The following EYA3 variants were observed in gnomAD, a reference collection of about 807,000 sequenced individuals.
EYA3 encodes protein phosphatase EYA3.
In EYA3, 39 loss-of-function variants were observed where a neutral mutation model predicts 80.0. That is an observed-to-expected ratio of 0.49 (90% CI 0.38 to 0.64). EYA3 has a LOEUF of 0.64. Ranked by LOEUF, EYA3 falls within the 30% of genes least tolerant of loss-of-function variation. EYA3 has a pLI of 0.00. For synonymous variants in EYA3, 206 were observed against 232.8 expected, an observed-to-expected ratio of 0.88 and a Z score of 1.05; for missense variants, 523 against 676.1, an observed-to-expected ratio of 0.77 and a Z score of 2.51.
intron 14 of EYA3, 84 bp downstream of exon 14, chr1:27,993,316 A>G: frequency 1.5e-6 from 2 of 1,370,366 alleles, no homozygotes; most frequent in Non-Finnish European, 2.0e-6. Context: ...AGCAGTTGTC[A>G]TGGGGAATCT....
At chr1:28,077,408 C>G (rs1645261276) in intron 1 of EYA3, among the ~76,000 whole-genome samples, 1 of 152,124 alleles carries the variant, frequency 6.6e-6, no homozygotes, top group Admixed American at 6.5e-5. Context: ...GCTTCCCCAA[C>G]AAGTTCCTAA....
intron 16 of EYA3, among the ~76,000 whole-genome samples, chr1:27,985,233 A>G (rs1406990118): frequency 6.8e-6 from 1 of 146,556 alleles, no homozygotes; most frequent in Admixed American, 7.1e-5. Context: ...ATGCACCACC[A>G]CTCCCAGCTA....
intron 13 of EYA3, among the ~76,000 whole-genome samples, chr1:27,995,874 T>C (rs1640416664): frequency 6.6e-6 from 1 of 152,110 alleles, no homozygotes; most frequent in East Asian, 1.9e-4. Flanking sequence ...AAATGTTTCA[T>C]TATTTGTTTG....
At chr1:28,024,019 A>T (rs1481515429) in intron 7 of EYA3, among the ~76,000 whole-genome samples, 1 of 152,196 alleles carries the variant, frequency 6.6e-6, no homozygotes, top group East Asian at 1.9e-4. Flanking sequence ...CAGGCGGATC[A>T]CTTGAGGTGA....
chr1:28,021,714 G>A (rs948408904), intron 7 of EYA3, among the ~76,000 whole-genome samples: 4 of 151,218 alleles, frequency 2.6e-5, no homozygotes, highest in East Asian at 3.9e-4. Context: ...GGCGATTCTC[G>A]TGCCTCAGCC....
chr1:28,034,958 T>C (rs1643363359), intron 6 of EYA3, among the ~76,000 whole-genome samples: 2 of 152,178 alleles, frequency 1.3e-5, no homozygotes, highest in South Asian at 2.1e-4. Flanking sequence ...AAGTGACTTC[T>C]GATAAATCAT....
chr1:28,036,483 A>G (rs1446874215), intron 5 of EYA3, among the ~76,000 whole-genome samples: 1 of 152,220 alleles, frequency 6.6e-6, no homozygotes, highest in Non-Finnish European at 1.5e-5. Context: ...AAGCAAACAC[A>G]TCAAAAAACG....
At chr1:28,043,456 A>G (rs558062822) in intron 3 of EYA3, among the ~76,000 whole-genome samples, 1 of 152,270 alleles carries the variant, frequency 6.6e-6, no homozygotes, top group South Asian at 2.1e-4. Flanking sequence ...TTGCTCCCAA[A>G]GTACCACAGG....
intron 1 of EYA3, among the ~76,000 whole-genome samples, chr1:28,076,912 G>A (rs2148944857): frequency 6.8e-6 from 1 of 146,316 alleles, no homozygotes; most frequent in African/African-American, 2.5e-5. Flanking sequence ...GGCTAATTTT[G>A]TATATTTTTA....
rs1639816824 is a variant in EYA3, at chr1:27,988,510, ACAAGAAACAG to A, written c.1540+15_1540+24del. 1 of 1,607,394 alleles carries A rather than the reference ACAAGAAACAG, an allele frequency of 6.2e-7. No individual in the cohort carries two copies. Among genetic ancestry groups the A allele is most frequent in the African/African-American group, 1.3e-5 (1 of 74,666 alleles). On this transcript the variant is annotated intron_variant, in intron 16 of 17. Coordinates refer to ENST00000373871, the MANE Select transcript of EYA3 (RefSeq NM_001990.4). ...AGAAAGTTTTATTGCAAGGCCAGTG[ACAAGAAACAG>A]CATAGAAACCATACCAATTTTGGTA...
At chr1:28,044,588 T>C (rs1336682470) in intron 3 of EYA3, among the ~76,000 whole-genome samples, 1 of 152,190 alleles carries the variant, frequency 6.6e-6, no homozygotes, top group Non-Finnish European at 1.5e-5. Flanking sequence ...TCTGGAAAGA[T>C]AATGCTGACT....
intron 1 of EYA3, among the ~76,000 whole-genome samples, chr1:28,061,503 T>C (rs895422850): frequency 6.6e-6 from 1 of 151,788 alleles, no homozygotes; most frequent in Non-Finnish European, 1.5e-5. Context: ...TAAGACACAA[T>C]ATTGCAAAAC....
chr1:27,975,845 T>C (rs1419492403), intron 17 of EYA3, among the ~76,000 whole-genome samples: 1 of 150,022 alleles, frequency 6.7e-6, no homozygotes, highest in African/African-American at 2.5e-5. Flanking sequence ...CTCACTCTTT[T>C]GCCCAGGCTG....
chr1:28,051,872 C>A (rs879812421), intron 2 of EYA3, among the ~76,000 whole-genome samples: 1 of 151,718 alleles, frequency 6.6e-6, no homozygotes, highest in Admixed American at 6.6e-5. Flanking sequence ...CAATCAAAAT[C>A]CCAGCTGGCT....
At chr1:27,991,525 G>C (rs745923817) in intron 14 of EYA3, among the ~76,000 whole-genome samples, 1 of 151,958 alleles carries the variant, frequency 6.6e-6, no homozygotes, top group East Asian at 1.9e-4. Context: ...CTACAGTGAA[G>C]GTTAAAAAAA....
chr1:28,038,539 G>A (rs1283906555), intron 5 of EYA3, among the ~76,000 whole-genome samples: 3 of 150,324 alleles, frequency 2.0e-5, no homozygotes, highest in African/African-American at 7.4e-5. Flanking sequence ...GTACAGGACA[G>A]AGAAAATGAT....
chr1:28,074,729 G>A (rs1265088507), intron 1 of EYA3, among the ~76,000 whole-genome samples: 1 of 151,990 alleles, frequency 6.6e-6, no homozygotes, highest in Non-Finnish European at 1.5e-5. Flanking sequence ...CCTATGTGTG[G>A]ACCATACTTA....
In EYA3 at chr1:28,051,686, AAAAC is replaced by A. The variant is rs532378444; in HGVS notation, c.34-3264_34-3261del. On this transcript the variant is annotated intron_variant, in intron 2 of 17. Transcript: ENST00000373871. ...TGGGTGACAAGGCAAGACTCTGTCT[AAAAC>A]AAACAAACAAACAAAAAAACTTAGG... is the stretch of plus-strand genomic sequence containing the variant. Among the ~76,000 whole-genome samples, 1,338 of 152,174 alleles carry A rather than the reference AAAAC, an allele frequency of 8.8e-3. 11 individuals are homozygous for A. Among genetic ancestry groups the A allele is most frequent in the Non-Finnish European group, 0.014 (930 of 67,986 alleles).
At chr1:28,079,030 C>G (rs1026432508) in intron 1 of EYA3, among the ~76,000 whole-genome samples, 1 of 152,196 alleles carries the variant, frequency 6.6e-6, no homozygotes, top group Admixed American at 6.5e-5. Flanking sequence ...TGAGAACATA[C>G]GAGAAGATGG....
Sources: gnomAD v4.1 joint callset for allele counts (sites outside exome capture counted in the v4.1 genomes callset) on GRCh38, gnomAD v4.1.1 for gene constraint, MANE v1.5 for transcripts, NCBI Gene and HGNC (gene_info 2026-07-23, HGNC 2026-07-21) for gene names.